Variants in ZCCHC10 observed in about 807,000 individuals in gnomAD.
ZCCHC10 encodes the protein zinc finger CCHC-type containing 10.
Under a neutral mutation model 19.5 loss-of-function variants are expected in ZCCHC10, and 16 were observed. The observed-to-expected ratio is 0.82, with a 90% confidence interval of 0.56 to 1.25. The LOEUF (loss-of-function observed/expected upper bound fraction) is 1.25. ZCCHC10 is among the 50% of genes most tolerant of loss of function. The pLI is 0.00. For missense variants in ZCCHC10, 197 were observed against 201.0 expected, an observed-to-expected ratio of 0.98 and a Z score of 0.12; for synonymous variants, 67 against 72.5, an observed-to-expected ratio of 0.92 and a Z score of 0.38.
At chr5:133,004,582 G>C (rs561480288) in intron 3 of ZCCHC10, among the ~76,000 whole-genome samples, 3 of 152,170 alleles carry the variant, frequency 2.0e-5, no homozygotes, top group South Asian at 4.1e-4. Context: ...TCCGCCTTCC[G>C]GGTTCACGCC....
intron 3 of ZCCHC10, among the ~76,000 whole-genome samples, chr5:133,003,854 G>C (rs910868711): frequency 1.3e-5 from 2 of 152,012 alleles, no homozygotes; most frequent in African/African-American, 2.4e-5. Context: ...GCGATTACAG[G>C]GTGCACCACC....
chr5:133,005,483 G>A (rs1002130659), intron 3 of ZCCHC10, among the ~76,000 whole-genome samples: 4 of 152,024 alleles, frequency 2.6e-5, no homozygotes, highest in Non-Finnish European at 4.4e-5. Context: ...GCGTGGTGGT[G>A]TGCATCTGAA....
intron 2 of ZCCHC10, among the ~76,000 whole-genome samples, chr5:133,010,249 G>A (rs1360938362): frequency 2.0e-5 from 3 of 151,828 alleles, no homozygotes; most frequent in Admixed American, 1.3e-4. Flanking sequence ...GGGTTTCACC[G>A]TATTATCCTG....
At position 133,015,077 on chromosome 5, in the gene ZCCHC10, GT is replaced by G. The variant is rs35057432; in HGVS notation, c.107+7763del. ...GCCTACCAGACTTCGCCACTGTGAG[GT>G]TTTTTTTTTTTTTTTTTTGAGACTA... On this transcript the variant is annotated intron_variant, in intron 2 of 4. Coordinates refer to ENST00000509437, the MANE Select transcript of ZCCHC10 (RefSeq NM_001300816.3). Among the ~76,000 whole-genome samples the G allele has an allele frequency of 1.7e-3, 214 of 128,774 alleles. 1 individual carries two copies. Among genetic ancestry groups the G allele is most frequent in the Middle Eastern group, 0.012 (3 of 254 alleles). 84.5% of individuals were successfully genotyped at this position (128,774 alleles called of 152,430 possible).
At position 133,000,151 on chromosome 5, in the gene ZCCHC10, T is replaced by C. The variant is rs1762669408; in HGVS notation, c.292A>G (p.Arg98Gly). The stretch of plus-strand genomic sequence containing the variant: ...ACATACCTTTTTTTCTTGGCCTTTC[T>C]TTCTACATTGGTTTCTCCAATGCTG... The part of the protein sequence containing the change: ...QQSIGETNVE[R>G]KAKKKRSKSV... The change falls in exon 4 of 5, where the codon AGA becomes GGA. Residue 98 changes from arginine to glycine, a missense_variant. Transcript: ENST00000509437. 1 of 1,614,052 alleles carries C rather than the reference T, an allele frequency of 6.2e-7. No individual in the cohort carries two copies. Among genetic ancestry groups the C allele is most frequent in the Middle Eastern group, 1.6e-4 (1 of 6,062 alleles).
intron 2 of ZCCHC10, among the ~76,000 whole-genome samples, chr5:133,013,726 A>AATAT (rs751817684): frequency 6.6e-6 from 1 of 151,788 alleles, no homozygotes; most frequent in Non-Finnish European, 1.5e-5. Context: ...CATCTCAAAC[A>AATAT]ATATATATAT....
chr5:133,011,637 A>C (rs1276644964), intron 2 of ZCCHC10, among the ~76,000 whole-genome samples: 1 of 151,114 alleles, frequency 6.6e-6, no homozygotes, highest in African/African-American at 2.4e-5. Context: ...AAAAAAAAAA[A>C]AAAAAAAAAA....
intron 2 of ZCCHC10, among the ~76,000 whole-genome samples, chr5:133,015,037 C>A (rs1484044680): frequency 6.7e-6 from 1 of 150,366 alleles, no homozygotes; most frequent in Non-Finnish European, 1.5e-5. Flanking sequence ...CACTTTGATC[C>A]CTTGATTAAG....
intron 2 of ZCCHC10, among the ~76,000 whole-genome samples, chr5:133,017,104 C>G (rs965636986): frequency 3.3e-5 from 5 of 152,144 alleles, no homozygotes; most frequent in Non-Finnish European, 7.3e-5. Flanking sequence ...TAAACTGCCT[C>G]GTGTGGACAC....
At position 133,011,648 on chromosome 5, in the gene ZCCHC10, AC is replaced by A. The variant is rs1258029944; in HGVS notation, c.108-4729del. 2.7e-4 allele frequency among the ~76,000 whole-genome samples: 40 copies of A among 146,732 alleles called. 1 individual carries two copies. The highest frequency in any genetic ancestry group is 1.0e-3 in the African/African-American group (38 of 37,712). ...CTAAAAAAAAAAAAAAAAAAAAAAA[AC>A]CTGACTGAGATAAATTAAATACCAA... On this transcript the variant is annotated intron_variant, in intron 2 of 4. Coordinates refer to ENST00000509437, the MANE Select transcript of ZCCHC10 (RefSeq NM_001300816.3).
chr5:133,005,606 AAAAC>A (rs1334987694), intron 3 of ZCCHC10, among the ~76,000 whole-genome samples: 5 of 152,268 alleles, frequency 3.3e-5, no homozygotes, highest in Admixed American at 1.3e-4. Context: ...ACTCTGTCTC[AAAAC>A]AAACAAACAA....
chr5:133,016,872 T>C (rs1763957192), intron 2 of ZCCHC10, among the ~76,000 whole-genome samples: 2 of 151,474 alleles, frequency 1.3e-5, no homozygotes, highest in South Asian at 2.1e-4. Context: ...TCCTCCCCCA[T>C]ATCCTCTTAA....
At chr5:133,001,918 C>T (rs1441035784) in intron 3 of ZCCHC10, among the ~76,000 whole-genome samples, 2 of 137,606 alleles carry the variant, frequency 1.5e-5, no homozygotes, top group African/African-American at 2.7e-5. Context: ...GTGAAGTATA[C>T]TTATTAAATT....
intron 2 of ZCCHC10, among the ~76,000 whole-genome samples, chr5:133,016,908 C>T (rs1395739788): frequency 6.6e-6 from 1 of 151,906 alleles, no homozygotes; most frequent in Non-Finnish European, 1.5e-5. Context: ...GCCCTGCACC[C>T]CCACCCACGA....
In ZCCHC10 at chr5:133,001,552, C is replaced by G. The variant is rs140497092; in HGVS notation, c.270-1379G>C. Among the ~76,000 whole-genome samples, 750 of 152,196 alleles carry G rather than the reference C, an allele frequency of 4.9e-3. 5 individuals carry two copies. The highest frequency in any genetic ancestry group is 0.014 in the African/African-American group (564 of 41,524). On this transcript the variant is annotated intron_variant, in intron 3 of 4. Coordinates refer to ENST00000509437, the MANE Select transcript of ZCCHC10 (RefSeq NM_001300816.3). Reference sequence around the variant, plus strand: ...TCTTGGCTTACCGCAACCTCTGCCTCCCAGCCTCAAGCAATCCTCCCACCT... The same window carrying G: ...TCTTGGCTTACCGCAACCTCTGCCTGCCAGCCTCAAGCAATCCTCCCACCT...
chr5:132,999,653 C>T (rs1762638380), intron 4 of ZCCHC10, among the ~76,000 whole-genome samples: 1 of 151,768 alleles, frequency 6.6e-6, no homozygotes, highest in Non-Finnish European at 1.5e-5. Flanking sequence ...GAAATGGAAG[C>T]AATGCATTTC....
At chr5:133,013,273 A>G (rs1763693297) in intron 2 of ZCCHC10, among the ~76,000 whole-genome samples, 1 of 149,608 alleles carries the variant, frequency 6.7e-6, no homozygotes, top group Non-Finnish European at 1.5e-5. Flanking sequence ...AAAAAAAAAA[A>G]AAAAGGGACT....
chr5:133,006,827 C>G lies in ZCCHC10; in HGVS notation c.201G>C (p.Arg67Ser). The change falls in exon 3 of 5, where the codon AGG becomes AGC. Residue 67 changes from arginine (R) to serine (S), a missense_variant. Arg to Ser is a moderately radical substitution (Grantham distance 110, BLOSUM62 -1). Coordinates refer to ENST00000509437, the MANE Select transcript of ZCCHC10 (RefSeq NM_001300816.3). ...ECTGKRKYLH[R>S]PSRTAELKKA... ...TCTTTAGTTCTGCTGTCCTTGAGGG[C>G]CTATGTAGGTATTTTCTTTTTCCTG... 6.2e-7 allele frequency: 1 copy of G among 1,612,002 alleles called. No individual in the cohort carries two copies. The highest frequency in any genetic ancestry group is 8.5e-7 in the Non-Finnish European group (1 of 1,179,398).
At chr5:133,010,853 G>A (rs941134287) in intron 2 of ZCCHC10, among the ~76,000 whole-genome samples, 11 of 151,764 alleles carry the variant, frequency 7.2e-5, no homozygotes, top group African/African-American at 2.4e-4. Flanking sequence ...GTGCAATGGC[G>A]CAATCTCAGG....
Sources: gnomAD v4.1 joint callset for allele counts (sites outside exome capture counted in the v4.1 genomes callset) on GRCh38, gnomAD v4.1.1 for gene constraint, MANE v1.5 for transcripts, NCBI Gene and HGNC (gene_info 2026-07-23, HGNC 2026-07-21) for gene names.